Variants in EBAG9 observed in about 807,000 individuals in gnomAD.
EBAG9 encodes the protein estrogen receptor binding site associated antigen 9.
EBAG9 carries 16 observed loss-of-function variants against 30.9 expected under a neutral mutation model. The observed-to-expected ratio is 0.52, with a 90% CI of 0.35 to 0.79. The LOEUF is 0.79. Among genes scored for constraint, EBAG9 ranks in the 30% least tolerant of loss-of-function variants. EBAG9 has a pLI of 0.01. For synonymous variants in EBAG9, 93 were observed against 82.8 expected (o/e 1.12, Z -0.67); for missense variants, 197 against 242.1 (o/e 0.81, Z 1.24).
chr8:109,540,021 T>C (rs1821237652), upstream of EBAG9: 1 of 152,688 alleles, frequency 6.5e-6, no homozygotes. Context: ...CCCTTCGCCG[T>C]CGGCCCTCCG....
Position 109,564,681 on chromosome 8 carries a change from GCCAT to G in EBAG9, c.*126_*129del. On this transcript the variant is annotated 3_prime_UTR_variant, in exon 7 of 7. Coordinates refer to ENST00000337573, the MANE Select transcript of EBAG9 (RefSeq NM_004215.5). ...TGCTTGATTTTAATACATTGATCAG[GCCAT>G]CCAGGACACCACGATTCTCCCAAAG... The G allele has an allele frequency of 2.1e-6, 3 of 1,405,590 alleles. No homozygotes were observed. The highest frequency in any genetic ancestry group is 1.9e-6 in the Non-Finnish European group (2 of 1,037,570). 87.1% of individuals were successfully genotyped at this position (1,405,590 alleles called of 1,614,324 possible).
intron 5 of EBAG9, chr8:109,557,585 G>A (rs193058188): frequency 4.5e-4 from 192 of 427,988 alleles, no homozygotes; most frequent in African/African-American, 2.7e-3. Flanking sequence ...TTGATTGATT[G>A]ATTATATTAT....
rs1586688837 is a variant in EBAG9 at position 109,550,741 on chromosome 8, C to A, written c.-15-69C>A. The A allele has an allele frequency of 3.4e-6, 3 of 893,818 alleles. No homozygotes were observed. The East Asian group carries it at 7.9e-5, about 24-fold the overall frequency. 55.4% of individuals were successfully genotyped at this position (893,818 alleles called of 1,614,324 possible). A position where few individuals can be genotyped will look rare whatever the true frequency, so the allele number is the denominator to read the frequency against. On this transcript the variant is annotated intron_variant, in intron 1 of 6. Coordinates refer to ENST00000337573, the MANE Select transcript of EBAG9 (RefSeq NM_004215.5). ...AGATTTTTCTTAGTGCATAATAGGT[C>A]TTTTCAGGACAGGAGTATGACTTTT...
At chr8:109,542,435 A>G (rs926611803) in intron 1 of EBAG9, among the ~76,000 whole-genome samples, 1 of 152,196 alleles carries the variant, frequency 6.6e-6, no homozygotes, top group African/African-American at 2.4e-5. Flanking sequence ...TTTATTCTCA[A>G]CTTTTATTCA....
rs575613427 is a variant in EBAG9, at chr8:109,565,875, A to C, written c.*1316A>C. 1.3e-5 allele frequency: 2 copies of C among 152,234 alleles called. No individual in the cohort carries two copies. Among genetic ancestry groups the C allele is most frequent in the African/African-American group, 2.4e-5 (1 of 41,570 alleles). The allele number at this position is 152,234 out of a possible 1,614,324, so 9.4% of individuals were successfully genotyped here. A position where few individuals can be genotyped will look rare whatever the true frequency, so the allele number is the denominator to read the frequency against. ...GCCCTTAGCCTAAGCTTTCAGACTA[A>C]ATGTGATTATAGAATAAGATGAAAG... is the stretch of plus-strand genomic sequence containing the variant. On this transcript the variant is annotated 3_prime_UTR_variant, in exon 7 of 7. Transcript: ENST00000337573.
chr8:109,545,523 C>T (rs1031057635), intron 1 of EBAG9, among the ~76,000 whole-genome samples: 1 of 151,644 alleles, frequency 6.6e-6, no homozygotes, highest in Non-Finnish European at 1.5e-5. Context: ...TGCCACCGCA[C>T]CTGGCTAATT....
intron 1 of EBAG9, among the ~76,000 whole-genome samples, chr8:109,547,132 TCTC>T (rs1281712095): frequency 3.9e-5 from 6 of 152,222 alleles, no homozygotes; most frequent in African/African-American, 1.2e-4. Flanking sequence ...TTCAAGCTAT[TCTC>T]CTGCCTCAGC....
chr8:109,548,534 A>C (rs1821430441), intron 1 of EBAG9, among the ~76,000 whole-genome samples: 2 of 152,140 alleles, frequency 1.3e-5, no homozygotes, highest in Non-Finnish European at 2.9e-5. Flanking sequence ...AAACCTGCCC[A>C]GATTTTGGTT....
rs371414312 is a variant in EBAG9 at position 109,564,569 on chromosome 8, A to G, written c.*10A>G. 6 of 1,610,914 alleles carry G rather than the reference A, an allele frequency of 3.7e-6. No homozygotes were observed. Among genetic ancestry groups the G allele is most frequent in the African/African-American group, 2.7e-5 (2 of 74,834 alleles). On this transcript the variant is annotated 3_prime_UTR_variant, in exon 7 of 7. Coordinates refer to ENST00000337573, the MANE Select transcript of EBAG9 (RefSeq NM_004215.5). Reference sequence around the variant, plus strand: ...TGTGAAACTTTCATAACACATGTTCAAATTTTATCATGCCAGTAGGAGAAA... The same window carrying G: ...TGTGAAACTTTCATAACACATGTTCGAATTTTATCATGCCAGTAGGAGAAA...
chr8:109,554,201 T>C (rs1821551336), intron 3 of EBAG9, among the ~76,000 whole-genome samples: 1 of 152,200 alleles, frequency 6.6e-6, no homozygotes, highest in Non-Finnish European at 1.5e-5. Flanking sequence ...AATAGCTATT[T>C]TAAAGCCTTA....
At chr8:109,546,332 C>T (rs1359771439) in intron 1 of EBAG9, among the ~76,000 whole-genome samples, 1 of 152,100 alleles carries the variant, frequency 6.6e-6, no homozygotes, top group East Asian at 1.9e-4. Context: ...TTAAAGTATA[C>T]AATTTGATTA....
At chr8:109,547,978 A>G (rs540903715) in intron 1 of EBAG9, among the ~76,000 whole-genome samples, 8 of 152,154 alleles carry the variant, frequency 5.3e-5, no homozygotes, top group Non-Finnish European at 1.2e-4. Context: ...TTTGAATTGT[A>G]GTTTTTAATT....
chr8:109,541,078 T>C (rs1012994512), intron 1 of EBAG9, among the ~76,000 whole-genome samples: 1 of 152,198 alleles, frequency 6.6e-6, no homozygotes, highest in Non-Finnish European at 1.5e-5. Flanking sequence ...GGCAGAGCTC[T>C]CATTCTTGAT....
chr8:109,539,843 T>TGAGCGCGCCTTGTGTGCGCGCGC (rs896567602), upstream of EBAG9: 2 of 151,928 alleles, frequency 1.3e-5, no homozygotes, highest in Admixed American at 1.3e-4. Flanking sequence ...GCAGCGCGCG[T>TGAGCGCGCCTTGTGTGCGCGCGC]GAGCGCGCCT....
intron 6 of EBAG9, among the ~76,000 whole-genome samples, chr8:109,561,745 A>G (rs1180210334): frequency 6.6e-6 from 1 of 152,024 alleles, no homozygotes; most frequent in Non-Finnish European, 1.5e-5. Context: ...TGACTCAACA[A>G]AAAAACTGAT....
intron 1 of EBAG9, chr8:109,550,382 T>C (rs955010770): frequency 2.0e-5 from 3 of 153,642 alleles, no homozygotes; most frequent in African/African-American, 7.2e-5. Context: ...TTAATTCAAT[T>C]TCCTCATCTA....
chr8:109,542,269 C>T (rs1340425150), intron 1 of EBAG9, among the ~76,000 whole-genome samples: 1 of 151,952 alleles, frequency 6.6e-6, no homozygotes, highest in Non-Finnish European at 1.5e-5. Context: ...CACTAAAAGA[C>T]CCAGTTTCTA....
intron 1 of EBAG9, among the ~76,000 whole-genome samples, chr8:109,541,792 T>C (rs1821280794): frequency 6.6e-6 from 1 of 152,158 alleles, no homozygotes; most frequent in Non-Finnish European, 1.5e-5. Flanking sequence ...ACATAGTAGG[T>C]GCTAATATAT....
chr8:109,550,685 A>ACTAGAGTAAAATTTAC, intron 1 of EBAG9, 125 bp from the exon 2 acceptor site: 2 of 641,370 alleles, frequency 3.1e-6, no homozygotes. Context: ...TTACTGTGTT[A>ACTAGAGTAAAATTTAC]TAGTTTCTAG....
Sources: gnomAD v4.1 joint callset for allele counts (sites outside exome capture counted in the v4.1 genomes callset) on GRCh38, gnomAD v4.1.1 for gene constraint, MANE v1.5 for transcripts, NCBI Gene and HGNC (gene_info 2026-07-23, HGNC 2026-07-21) for gene names.